The following WNK2 variants were observed in gnomAD, a reference collection of about 807,000 sequenced individuals.
WNK2 encodes WNK lysine deficient protein kinase 2, also known as serine/threonine-protein kinase WNK2.
WNK2 carries 67 observed loss-of-function variants against 192.1 expected under a neutral mutation model. The ratio of observed to expected loss-of-function variants is 0.35; its 90% CI spans 0.29 to 0.43. The LOEUF is 0.43. Ranked by LOEUF, WNK2 falls within the 20% of genes least tolerant of loss-of-function variation. The pLI, the probability that WNK2 is intolerant of heterozygous loss-of-function variation, is 1.00. For missense variants in WNK2, 2,698 were observed against 3,089.7 expected, an observed-to-expected ratio of 0.87 and a Z score of 3.01; for synonymous variants, 1,439 against 1,393.9, an observed-to-expected ratio of 1.03 and a Z score of -0.72.
chr9:93,249,891 G>T (rs1475446133), intron 8 of WNK2, among the ~76,000 whole-genome samples: 1 of 144,196 alleles, frequency 6.9e-6, no homozygotes, highest in Non-Finnish European at 1.5e-5. Context: ...CTCCCTAGAG[G>T]CAACAGATGC....
rs1189685791 is a variant in WNK2 at position 93,268,613 on chromosome 9, G to A, written c.3914-14G>A. 1 of 1,606,530 alleles carries A rather than the reference G, an allele frequency of 6.2e-7. No individual in the cohort carries two copies. Reference sequence around the variant, plus strand: ...CTCACTCACTCAGCGTGCTGTTTCTGTTCTGCCCTTCAGTCCTGCACACCG... The same window carrying A: ...CTCACTCACTCAGCGTGCTGTTTCTATTCTGCCCTTCAGTCCTGCACACCG... On this transcript the variant is annotated splice_polypyrimidine_tract_variant and intron_variant, in intron 18 of 29. Coordinates refer to ENST00000427277, the MANE Select transcript of WNK2 (RefSeq NM_006648.4).
intron 12 of WNK2, among the ~76,000 whole-genome samples, chr9:93,261,263 A>G (rs1211089980): frequency 6.6e-6 from 1 of 152,228 alleles, no homozygotes; most frequent in Non-Finnish European, 1.5e-5. Context: ...AAATGGGGGC[A>G]GAAGACAGAG....
rs116936095 is a variant in WNK2 at position 93,287,525 on chromosome 9, C to T, written c.4034-1263C>T. Among the ~76,000 whole-genome samples, 1,272 of 152,230 alleles carry T rather than the reference C, an allele frequency of 8.4e-3. 18 individuals carry two copies. The highest frequency in any genetic ancestry group is 0.013 in the Non-Finnish European group (910 of 68,034). On this transcript the variant is annotated intron_variant, in intron 19 of 29. Transcript: ENST00000427277. ...AGGCACCACAGAATAGAGTACCATT[C>T]CATTGATAGAACGTGCAGCACGACC...
chr9:93,193,033 C>T (rs1216533217), intron 2 of WNK2, among the ~76,000 whole-genome samples: 2 of 152,246 alleles, frequency 1.3e-5, no homozygotes, highest in Admixed American at 6.5e-5. Context: ...AGAACTTGAC[C>T]TGGCCCAGCA....
Position 93,229,083 on chromosome 9 carries a change from G to A in WNK2, c.682-613G>A, listed in dbSNP as rs931614310. Among the ~76,000 whole-genome samples the A allele has an allele frequency of 7.2e-5, 11 of 152,154 alleles. No individual in the cohort carries two copies. The highest frequency in any genetic ancestry group is 2.7e-4 in the African/African-American group (11 of 41,418). ...TTTGCTGTTTTCTATTTAAACTTAGGTCAGTGATTGGTTCTGCTGGCTTGT... is the reference window on the plus strand; with the variant it reads ...TTTGCTGTTTTCTATTTAAACTTAGATCAGTGATTGGTTCTGCTGGCTTGT... On this transcript the variant is annotated intron_variant, in intron 2 of 29. Coordinates refer to ENST00000427277, the MANE Select transcript of WNK2 (RefSeq NM_006648.4). This position sits in a 1 kb window ranked among gnomAD's most constrained non-coding sequence, Gnocchi z 4.9.
At chr9:93,284,560 A>G (rs1005526625) in intron 19 of WNK2, among the ~76,000 whole-genome samples, 10 of 149,438 alleles carry the variant, frequency 6.7e-5, no homozygotes, top group Admixed American at 4.7e-4. Flanking sequence ...TATTCTCAGC[A>G]CTTCTATTAA....
chr9:93,262,198 T>TC (rs1844390401), intron 13 of WNK2, 91 bp downstream of exon 13: 1 of 1,442,316 alleles, frequency 6.9e-7, no homozygotes, highest in African/African-American at 1.4e-5. Flanking sequence ...GTCCTAGAGG[T>TC]CGGGGTTGCT....
intron 14 of WNK2, chr9:93,263,263 CACAGA>C (rs929134070): frequency 1.6e-5 from 8 of 494,178 alleles, no homozygotes; most frequent in African/African-American, 1.6e-4. Flanking sequence ...GTTGCTGTAG[CACAGA>C]TGGGGAAACT....
At chr9:93,205,451 G>C (rs114953670) in intron 2 of WNK2, among the ~76,000 whole-genome samples, 1 of 152,116 alleles carries the variant, frequency 6.6e-6, no homozygotes, top group African/African-American at 2.4e-5. Context: ...GGGCCCCCTT[G>C]TTCCTGGGGG....
intron 2 of WNK2, among the ~76,000 whole-genome samples, chr9:93,187,271 G>A (rs918465665): frequency 9.2e-5 from 14 of 152,096 alleles, no homozygotes; most frequent in African/African-American, 3.4e-4. Flanking sequence ...TCTGTCTCTG[G>A]GTCTGTCCCC....
chr9:93,247,976 A>G lies in WNK2; in HGVS notation c.1834+142A>G, dbSNP rs1842021804. Reference sequence around the variant, plus strand: ...GGGGGTCCGCATGGCATCCCCTCGGAGGAGACATCGTGTAGCTCTGAGCTG... The same window carrying G: ...GGGGGTCCGCATGGCATCCCCTCGGGGGAGACATCGTGTAGCTCTGAGCTG... On this transcript the variant is annotated intron_variant, in intron 8 of 29. Transcript: ENST00000427277. The surrounding 1 kb of genome is among the most constrained non-coding windows in gnomAD (Gnocchi z 5.2). The G allele has an allele frequency of 5.2e-6, 5 of 957,492 alleles. No homozygotes were observed. The highest frequency in any genetic ancestry group is 6.1e-6 in the Non-Finnish European group (4 of 656,118). The allele number at this position is 957,492 out of a possible 1,614,324, so 59.3% of individuals were successfully genotyped here.
At chr9:93,222,457 A>C (rs1260575597) in intron 2 of WNK2, among the ~76,000 whole-genome samples, 2 of 152,178 alleles carry the variant, frequency 1.3e-5, no homozygotes, top group African/African-American at 4.8e-5. Context: ...TTGACAAAGA[A>C]GACTGAATGT....
intron 9 of WNK2, among the ~76,000 whole-genome samples, chr9:93,255,372 G>A (rs1843131330): frequency 6.6e-6 from 1 of 152,196 alleles, no homozygotes; most frequent in Non-Finnish European, 1.5e-5. Flanking sequence ...CCGAGCTCCT[G>A]GGCTGTGTAC....
Position 93,201,279 on chromosome 9 carries a change from C to A in WNK2, c.681+15669C>A, listed in dbSNP as rs148812617. ...GACACTGGGGCTGTCTGGGCTGAGA[C>A]TGTTCCGAGCAAGGCTGCCCAGCAT... On this transcript the variant is annotated intron_variant, in intron 2 of 29. Coordinates refer to ENST00000427277, the MANE Select transcript of WNK2 (RefSeq NM_006648.4). 8.1e-3 allele frequency among the ~76,000 whole-genome samples: 1,232 copies of A among 152,354 alleles called. 12 individuals carry two copies. The highest frequency in any genetic ancestry group is 0.028 in the African/African-American group (1,167 of 41,576).
chr9:93,218,902 C>T (rs536956651), intron 2 of WNK2, among the ~76,000 whole-genome samples: 5 of 152,292 alleles, frequency 3.3e-5, no homozygotes, highest in South Asian at 2.1e-4. Context: ...AACAGACGGG[C>T]GTGGGGAGCC....
intron 2 of WNK2, among the ~76,000 whole-genome samples, chr9:93,215,615 G>T (rs1219211745): frequency 1.3e-5 from 2 of 152,080 alleles, no homozygotes; most frequent in Non-Finnish European, 2.9e-5. Flanking sequence ...ATCTGCTGTT[G>T]AACTCAATAG....
At chr9:93,206,399 C>A (rs547677601) in intron 2 of WNK2, among the ~76,000 whole-genome samples, 1 of 152,276 alleles carries the variant, frequency 6.6e-6, no homozygotes, top group Non-Finnish European at 1.5e-5. Context: ...TGGCTGAGGG[C>A]ACAGCATTTG....
At chr9:93,237,388 T>C (rs1456666172) in intron 5 of WNK2, among the ~76,000 whole-genome samples, 1 of 152,238 alleles carries the variant, frequency 6.6e-6, no homozygotes, top group Non-Finnish European at 1.5e-5. Flanking sequence ...CTCTGCTGCA[T>C]CACATCTTCA....
intron 4 of WNK2, among the ~76,000 whole-genome samples, chr9:93,234,031 C>T (rs550697069): frequency 2.2e-3 from 329 of 152,324 alleles, no homozygotes; most frequent in Non-Finnish European, 3.7e-3. Flanking sequence ...CAGCCCTCGC[C>T]CCCTGCAGAC....
Sources: gnomAD v4.1 joint callset for allele counts (sites outside exome capture counted in the v4.1 genomes callset) on GRCh38, gnomAD v4.1.1 for gene constraint, Gnocchi (gnomAD v3.1) non-coding constraint, MANE v1.5 for transcripts, NCBI Gene and HGNC (gene_info 2026-07-23, HGNC 2026-07-21) for gene names.